DNAJC27: variants seen among roughly 807,000 people sequenced by gnomAD.
DNAJC27 encodes the protein DnaJ heat shock protein family (Hsp40) member C27.
DNAJC27 carries 25 observed loss-of-function variants against 31.4 expected under a neutral mutation model. That is an observed-to-expected ratio of 0.80 (90% CI 0.58 to 1.11). DNAJC27 has a LOEUF of 1.11. Ranked by LOEUF, DNAJC27 falls within the 50% of genes most tolerant of loss-of-function variation. DNAJC27 has a pLI of 0.00. For synonymous variants in DNAJC27, 106 were observed against 112.7 expected (o/e 0.94, Z 0.37); for missense variants, 356 against 347.3 (o/e 1.02, Z -0.20).
chr2:24,966,000 T>A (rs1313997721), intron 2 of DNAJC27, among the ~76,000 whole-genome samples: 4 of 152,128 alleles, frequency 2.6e-5, no homozygotes, highest in Admixed American at 1.3e-4. Context: ...ACATTACACA[T>A]ATACAAATAA....
rs1468791421 is a variant in DNAJC27 at position 24,962,230 on chromosome 2, TG to T, written c.240+1174del. Reference sequence around the variant, plus strand: ...ATACTTTTTTTCTTTTGTTTTTTTTTGTGTTTTTTGTTTGTTTGTTTGTTTT... The same window carrying T: ...ATACTTTTTTTCTTTTGTTTTTTTTTTGTTTTTTGTTTGTTTGTTTGTTTT... On this transcript the variant is annotated intron_variant, in intron 3 of 6. Transcript: ENST00000264711. Among the ~76,000 whole-genome samples, 266 of 149,952 alleles carry T rather than the reference TG, an allele frequency of 1.8e-3. 1 individual carries two copies. The highest frequency in any genetic ancestry group is 4.6e-3 in the African/African-American group (183 of 40,192).
chr2:24,950,277 G>C (rs1350971613), intron 6 of DNAJC27, among the ~76,000 whole-genome samples: 1 of 152,154 alleles, frequency 6.6e-6, no homozygotes, highest in Non-Finnish European at 1.5e-5. Context: ...GAATGGAGAA[G>C]AGATGTGTAG....
chr2:24,951,588 G>A, intron 5 of DNAJC27, 34 bp from the exon 6 acceptor site: 2 of 1,565,482 alleles, frequency 1.3e-6, no homozygotes, highest in Admixed American at 1.9e-5. Context: ...GGGTAGAAAT[G>A]ATTTTGTGAA....
Position 24,967,235 on chromosome 2 carries a change from A to C in DNAJC27, c.146T>G (p.Ile49Ser). ...KRFVSKYLAT[I>S]GIDYGVTKVH... is the part of the protein sequence containing the mutation. ...CTTTGTGACTCCATAGTCAATTCCA[A>C]TTGTTGCCAGGTATTTAGACACGAA... The change falls in exon 2 of 7, where the codon ATT (isoleucine) becomes AGT (serine). Residue 49 changes from isoleucine (I) to serine (S), a missense_variant. By Grantham distance (142) the Ile-to-Ser change is moderately radical (BLOSUM62 -2). Coordinates refer to ENST00000264711, the MANE Select transcript of DNAJC27 (RefSeq NM_016544.3). 1 of 1,613,848 alleles carries C rather than the reference A, an allele frequency of 6.2e-7. No individual in the cohort carries two copies. The highest frequency in any genetic ancestry group is 1.1e-5 in the South Asian group (1 of 91,070).
At chr2:24,951,582 A>G in intron 5 of DNAJC27, 28 bp from the exon 6 acceptor site, 1 of 1,576,654 alleles carries the variant, frequency 6.3e-7, no homozygotes, top group South Asian at 1.2e-5. Context: ...AACCCAGGGT[A>G]GAAATGATTT....
intron 3 of DNAJC27, among the ~76,000 whole-genome samples, chr2:24,962,201 C>T (rs72849343): frequency 0.033 from 4,734 of 143,234 alleles, 262 homozygotes; most frequent in African/African-American, 0.11. Flanking sequence ...GGAAACTAAA[C>T]AACATACTTT....
Position 24,971,821 on chromosome 2 carries a change from C to A in DNAJC27, c.84G>T (p.Gly28=). ...KVISMGNAEV[G]KSCIIKRYCE... ...CCTCCCGGCTCGCTGTACTCACTTT[C>A]CCCACTTCGGCGTTGCCCATGGAGA... Residue 28 remains glycine, a synonymous_variant, in exon 1 of 7, where the codon GGG becomes GGT. Coordinates refer to ENST00000264711, the MANE Select transcript of DNAJC27 (RefSeq NM_016544.3). 6.2e-7 allele frequency: 1 copy of A among 1,608,214 alleles called. No homozygotes were observed. Among genetic ancestry groups the A allele is most frequent in the Non-Finnish European group, 8.5e-7 (1 of 1,177,988 alleles).
chr2:24,963,499 C>T lies in DNAJC27; in HGVS notation c.171-25G>A, dbSNP rs369273131. On this transcript the variant is annotated intron_variant, in intron 2 of 6. Transcript: ENST00000264711. The stretch of plus-strand genomic sequence containing the variant: ...CCTGAAATGTTCAAATGGAAACAAT[C>T]CGAAAGAAAGTCATGGTTTCTCCAT... 415 of 1,590,698 alleles carry T rather than the reference C, an allele frequency of 2.6e-4. 1 individual carries two copies. The highest frequency in any genetic ancestry group is 3.2e-4 in the Non-Finnish European group (367 of 1,161,522).
chr2:24,971,747 C>A, intron 1 of DNAJC27, 71 bp downstream of exon 1: 1 of 1,389,498 alleles, frequency 7.2e-7, no homozygotes, highest in East Asian at 2.7e-5. Context: ...TGTTGAGTGG[C>A]CGCCCTTCCA....
chr2:24,948,642 GCA>G (rs1665700637), intron 6 of DNAJC27, among the ~76,000 whole-genome samples: 1 of 152,202 alleles, frequency 6.6e-6, no homozygotes, highest in Admixed American at 6.5e-5. Context: ...CGATAAACCA[GCA>G]GCGCTCCAGG....
rs1022571443 is a variant in DNAJC27, at chr2:24,944,263, C to T, written c.*3353G>A. 6.6e-6 allele frequency: 1 copy of T among 152,038 alleles called. No homozygotes were observed. The highest frequency in any genetic ancestry group is 2.4e-5 in the African/African-American group (1 of 41,382). 9.4% of individuals were successfully genotyped at this position (152,038 alleles called of 1,614,324 possible). ...CACTGTCACTGTCAAAGGCAACAAG[C>T]ACATGGCTTACAGCTCCACCTTTCT... On this transcript the variant is annotated 3_prime_UTR_variant, in exon 7 of 7. Coordinates refer to ENST00000264711, the MANE Select transcript of DNAJC27 (RefSeq NM_016544.3).
At chr2:24,964,939 G>A (rs1226437091) in intron 2 of DNAJC27, among the ~76,000 whole-genome samples, 2 of 152,104 alleles carry the variant, frequency 1.3e-5, no homozygotes, top group African/African-American at 4.8e-5. Context: ...TGGACGCGGT[G>A]GCTCACACCT....
At chr2:24,955,529 C>G (rs1020228396) in intron 5 of DNAJC27, among the ~76,000 whole-genome samples, 1 of 152,030 alleles carries the variant, frequency 6.6e-6, no homozygotes, top group Non-Finnish European at 1.5e-5. Context: ...AAACAGAAAA[C>G]TCCCCAAATT....
chr2:24,953,902 C>T (rs973468567), intron 5 of DNAJC27, among the ~76,000 whole-genome samples: 7 of 152,290 alleles, frequency 4.6e-5, no homozygotes, highest in Admixed American at 2.6e-4. Context: ...CTGGACTAGA[C>T]TTCCTGCCAT....
At chr2:24,968,047 G>A (rs1255141029) in intron 1 of DNAJC27, among the ~76,000 whole-genome samples, 2 of 150,976 alleles carry the variant, frequency 1.3e-5, no homozygotes, top group East Asian at 3.9e-4. Context: ...GGGAGACCCT[G>A]TCTCAAAAAG....
chr2:24,949,298 A>G (rs1019606388), intron 6 of DNAJC27, among the ~76,000 whole-genome samples: 1 of 152,198 alleles, frequency 6.6e-6, no homozygotes, highest in Non-Finnish European at 1.5e-5. Flanking sequence ...AGGAAGGTAC[A>G]GCATCCTCCC....
intron 5 of DNAJC27, among the ~76,000 whole-genome samples, chr2:24,951,943 C>T (rs923489109): frequency 1.3e-5 from 2 of 151,984 alleles, no homozygotes; most frequent in African/African-American, 2.4e-5. Context: ...CCCACGTCTC[C>T]ACACACACAA....
intron 1 of DNAJC27, chr2:24,969,185 C>A: frequency 4.6e-6 from 1 of 216,306 alleles, no homozygotes; most frequent in South Asian, 8.2e-5. Flanking sequence ...TATTGCCTGT[C>A]ACAAAACGTA....
intron 5 of DNAJC27, among the ~76,000 whole-genome samples, chr2:24,951,908 A>C (rs972119020): frequency 6.6e-6 from 1 of 152,144 alleles, no homozygotes; most frequent in Non-Finnish European, 1.5e-5. Flanking sequence ...CAGGAGTTTG[A>C]GACCAGCCTG....
Sources: gnomAD v4.1 joint callset for allele counts (sites outside exome capture counted in the v4.1 genomes callset) on GRCh38, gnomAD v4.1.1 for gene constraint, MANE v1.5 for transcripts, NCBI Gene and HGNC (gene_info 2026-07-23, HGNC 2026-07-21) for gene names.